MAGEB10: variants seen among roughly 807,000 people sequenced by gnomAD.
The protein encoded by MAGEB10 is melanoma-associated antigen B10.
For synonymous variants in MAGEB10, 99 were observed against 101.0 expected, an observed-to-expected ratio of 0.98 and a Z score of 0.12; for missense variants, 190 against 261.9, an observed-to-expected ratio of 0.73 and a Z score of 1.89.
Position 27,821,750 on chromosome X carries a change from G to A in MAGEB10, c.444G>A (p.Gln148=). Residue 148 remains glutamine, a synonymous_variant, in exon 3 of 3, where the codon CAG becomes CAA. Transcript: ENST00000356790. ...LRNVTQMSKS[Q]FPVILSRASE... The stretch of plus-strand genomic sequence containing the variant: ...ATGTAACCCAAATGTCCAAGAGCCA[G>A]TTCCCTGTAATCCTGAGCAGAGCTT... 1 of 1,211,954 alleles carries A rather than the reference G, an allele frequency of 8.3e-7. No individual in the cohort carries two copies. Among genetic ancestry groups the A allele is most frequent in the South Asian group, 1.8e-5 (1 of 57,007 alleles).
chrX:27,813,546 G>C (rs753792969), intron 1 of MAGEB10, among the ~76,000 whole-genome samples: 2 of 111,979 alleles, frequency 1.8e-5, no homozygotes, highest in South Asian at 3.7e-4. Flanking sequence ...GCACTGAATT[G>C]TAGAGTCTAA....
At chrX:27,810,735 C>G (rs1191871679) in intron 1 of MAGEB10, among the ~76,000 whole-genome samples, 1 of 110,757 alleles carries the variant, frequency 9.0e-6, no homozygotes, top group Non-Finnish European at 1.9e-5. Flanking sequence ...AAAGGGGACC[C>G]AACAGAGTAC....
At position 27,817,565 on chromosome X, in the gene MAGEB10, C is replaced by T. The variant is rs780708439; in HGVS notation, c.-187C>T. 2 of 109,736 alleles carry T rather than the reference C, an allele frequency of 1.8e-5. No individual in the cohort carries two copies. The highest frequency in any genetic ancestry group is 2.9e-4 in the East Asian group (1 of 3,485). 9.0% of individuals were successfully genotyped at this position (109,736 alleles called of 1,213,427 possible). On this transcript the variant is annotated 5_prime_UTR_variant, in exon 2 of 3. Coordinates refer to ENST00000356790, the MANE Select transcript of MAGEB10 (RefSeq NM_182506.3). ...TTTATTTCTTTTAGAGACGGTGCCT[C>T]GCTCTGTTGCCCAGACTGGAGTGCA...
chrX:27,809,915 A>T (rs1173465838), intron 1 of MAGEB10, among the ~76,000 whole-genome samples: 1 of 108,717 alleles, frequency 9.2e-6, no homozygotes, highest in Non-Finnish European at 1.9e-5. Context: ...GTATCCAGCT[A>T]CTCTGGTGGG....
Position 27,821,951 on chromosome X carries a change from C to T in MAGEB10, c.645C>T (p.Gly215=). 2.5e-6 allele frequency: 3 copies of T among 1,211,899 alleles called. No individual in the cohort carries two copies. The highest frequency in any genetic ancestry group is 3.3e-6 in the Non-Finnish European group (3 of 895,610). The change falls in exon 3 of 3, where the codon GGC becomes GGT. Residue 215 remains glycine (G), a synonymous_variant. Coordinates refer to ENST00000356790, the MANE Select transcript of MAGEB10 (RefSeq NM_182506.3). ...MTVLGIIFTN[G]NCVAEEEVWK... ...TCCTGGGTATTATCTTCACAAATGGCAATTGTGTCGCTGAGGAGGAAGTCT... is the reference window on the plus strand; with the variant it reads ...TCCTGGGTATTATCTTCACAAATGGTAATTGTGTCGCTGAGGAGGAAGTCT...
At position 27,821,347 on chromosome X, in the gene MAGEB10, A is replaced by G; in HGVS notation, c.41A>G (p.Lys14Arg). The change falls in exon 3 of 3, where the codon AAA (lysine) becomes AGA (arginine). Residue 14 changes from lysine (K) to arginine (R), a missense_variant. Coordinates refer to ENST00000356790, the MANE Select transcript of MAGEB10 (RefSeq NM_182506.3). ...AAGAGTAAACTCCGTGCCAGGGAAA[A>G]ACGCCGTCAGGCCCGAGGAGGGCTG... The part of the protein sequence containing the change: ...GQKSKLRARE[K>R]RRQARGGLED... 1 of 1,211,114 alleles carries G rather than the reference A, an allele frequency of 8.3e-7. No individual in the cohort carries two copies. The highest frequency in any genetic ancestry group is 1.1e-6 in the Non-Finnish European group (1 of 895,129).
Position 27,822,285 on chromosome X carries a change from C to T in MAGEB10, c.979C>T (p.Arg327Cys), listed in dbSNP as rs1323890664. The change falls in exon 3 of 3, where the codon CGC becomes TGC. Residue 327 changes from arginine (R) to cysteine (C), a missense_variant. Arg to Cys is a radical substitution (Grantham distance 180, BLOSUM62 -3). Transcript: ENST00000356790. Reference sequence around the variant, plus strand: ...CAGAGCCAGAGTTGCAGCCAAGGCTCGCGTTAGTGCCACAGCCGGTGCACG... The same window carrying T: ...CAGAGCCAGAGTTGCAGCCAAGGCTTGCGTTAGTGCCACAGCCGGTGCACG... ...RARARVAAKA[R>C]VSATAGARSK... 4.1e-6 allele frequency: 5 copies of T among 1,211,423 alleles called. No homozygotes were observed. The highest frequency in any genetic ancestry group is 4.5e-6 in the Non-Finnish European group (4 of 895,438).
intron 1 of MAGEB10, among the ~76,000 whole-genome samples, chrX:27,811,354 G>T (rs996870324): frequency 1.8e-5 from 2 of 111,090 alleles, no homozygotes; most frequent in Non-Finnish European, 3.8e-5. Context: ...GATAAAGAGG[G>T]TCTCACCGAT....
At chrX:27,820,438 C>T (rs1389475883) in intron 2 of MAGEB10, among the ~76,000 whole-genome samples, 1 of 110,763 alleles carries the variant, frequency 9.0e-6, no homozygotes, top group Non-Finnish European at 1.9e-5. Flanking sequence ...GGTGAGAACT[C>T]AGGGAGGGGA....
chrX:27,819,910 G>A (rs1003294900), intron 2 of MAGEB10, among the ~76,000 whole-genome samples: 6 of 111,237 alleles, frequency 5.4e-5, no homozygotes, highest in African/African-American at 2.0e-4. Flanking sequence ...GGCCCTGCTA[G>A]GAGGTAAGAT....
chrX:27,813,178 A>C (rs996962938), intron 1 of MAGEB10, among the ~76,000 whole-genome samples: 4 of 112,292 alleles, frequency 3.6e-5, no homozygotes, highest in African/African-American at 1.3e-4. Context: ...AAAAATGGGA[A>C]AATTTCCATC....
rs1434776934 is a variant in MAGEB10, at chrX:27,822,859, C to G, written c.*509C>G. 1.6e-5 allele frequency: 2 copies of G among 122,269 alleles called. No individual in the cohort carries two copies. Among genetic ancestry groups the G allele is most frequent in the African/African-American group, 3.3e-5 (1 of 30,177 alleles). 10.1% of individuals were successfully genotyped at this position (122,269 alleles called of 1,213,427 possible). ...TGAAACCCCGTCTCTACTAAAAATA[C>G]AAAAAATTAGCCAGGCGTGGTGGCG... is the stretch of plus-strand genomic sequence containing the variant. On this transcript the variant is annotated 3_prime_UTR_variant, in exon 3 of 3. Coordinates refer to ENST00000356790, the MANE Select transcript of MAGEB10 (RefSeq NM_182506.3).
At chrX:27,818,496 G>A (rs1291331960) in intron 2 of MAGEB10, among the ~76,000 whole-genome samples, 4 of 111,682 alleles carry the variant, frequency 3.6e-5, no homozygotes, top group African/African-American at 9.8e-5. Context: ...TTCCTGAGAC[G>A]AACTACCTCA....
In MAGEB10 at chrX:27,821,459, G is replaced by A; in HGVS notation, c.153G>A (p.Gln51=). 8.3e-7 allele frequency: 1 copy of A among 1,211,531 alleles called. No homozygotes were observed. The highest frequency in any genetic ancestry group is 1.1e-6 in the Non-Finnish European group (1 of 895,491). ...CTGCTTGTTTGAAGGATGTTTTCCA[G>A]AGTTCACTTGATGGGGCATCCAACA... ...SASACLKDVF[Q]SSLDGASNNP... Residue 51 remains glutamine, a synonymous_variant, in exon 3 of 3, where the codon CAG becomes CAA. Coordinates refer to ENST00000356790, the MANE Select transcript of MAGEB10 (RefSeq NM_182506.3).
intron 1 of MAGEB10, among the ~76,000 whole-genome samples, chrX:27,815,539 T>G (rs935342153): frequency 8.9e-6 from 1 of 111,879 alleles, no homozygotes; most frequent in Non-Finnish European, 1.9e-5. Flanking sequence ...GAGAGGAGAA[T>G]GTAATCTGGT....
chrX:27,812,566 T>C (rs1056194846), intron 1 of MAGEB10: 3 of 174,314 alleles, frequency 1.7e-5, no homozygotes, highest in African/African-American at 9.2e-5. Context: ...GTGCTAAATA[T>C]GATGGGGGTA....
At chrX:27,818,471 A>G (rs1296923626) in intron 2 of MAGEB10, among the ~76,000 whole-genome samples, 1 of 107,662 alleles carries the variant, frequency 9.3e-6, no homozygotes, top group African/African-American at 3.4e-5. Flanking sequence ...AGGAGGGGGG[A>G]ATTGGAAAAG....
intron 1 of MAGEB10, among the ~76,000 whole-genome samples, chrX:27,809,728 T>A (rs1405849683): frequency 1.0e-5 from 1 of 97,684 alleles, no homozygotes; most frequent in East Asian, 3.4e-4. Flanking sequence ...CAGTGCGGGA[T>A]CCACTGGGTG....
At chrX:27,809,650 C>G (rs1312293501) in intron 1 of MAGEB10, among the ~76,000 whole-genome samples, 1 of 77,215 alleles carries the variant, frequency 1.3e-5, no homozygotes. Flanking sequence ...CCAGTCCCAT[C>G]GACCACCCAA....
Sources: gnomAD v4.1 joint callset for allele counts (sites outside exome capture counted in the v4.1 genomes callset) on GRCh38, gnomAD v4.1.1 for gene constraint, MANE v1.5 for transcripts, NCBI Gene and HGNC (gene_info 2026-07-23, HGNC 2026-07-21) for gene names.